The following SMARCA2 variants were observed in gnomAD, a reference collection of about 807,000 sequenced individuals.
SMARCA2 encodes the protein SWI/SNF related BAF chromatin remodeling complex subunit ATPase 2, also known as SWI/SNF-related matrix-associated actin-dependent regulator of chromatin subfamily A member 2.
In SMARCA2, 61 loss-of-function variants were observed where a neutral mutation model predicts 199.8. The observed-to-expected ratio is 0.31, with a 90% CI of 0.25 to 0.38. SMARCA2 has a LOEUF of 0.38. Among genes scored for constraint, SMARCA2 ranks in the 10% least tolerant of loss-of-function variants. The pLI is 1.00. For synonymous variants in SMARCA2, 935 were observed against 732.0 expected (o/e 1.28, Z -4.48); for missense variants, 1,344 against 2,012.2 (o/e 0.67, Z 6.35).
chr9:2,024,434 C>A (rs1022350773), intron 1 of SMARCA2, among the ~76,000 whole-genome samples: 5 of 152,074 alleles, frequency 3.3e-5, no homozygotes, highest in Non-Finnish European at 5.9e-5. Context: ...GTGGGGTAAG[C>A]CTTCTATTCA....
intron 7 of SMARCA2, among the ~76,000 whole-genome samples, chr9:2,057,882 A>G (rs989243031): frequency 6.6e-6 from 1 of 152,246 alleles, no homozygotes; most frequent in African/African-American, 2.4e-5. Flanking sequence ...TAGGGTAGTT[A>G]GAGCAGAAAA....
intron 5 of SMARCA2, among the ~76,000 whole-genome samples, chr9:2,048,507 A>G (rs1819979971): frequency 6.6e-6 from 1 of 152,232 alleles, no homozygotes; most frequent in Non-Finnish European, 1.5e-5. Context: ...TAAAAATTAT[A>G]GAGAATGTTG....
chr9:2,083,524 G>A, intron 16 of SMARCA2, 111 bp downstream of exon 16: 2 of 629,606 alleles, frequency 3.2e-6, no homozygotes, highest in Non-Finnish European at 5.6e-6. Flanking sequence ...GTTTTGTCAT[G>A]TACATCATGT....
chr9:2,029,307 G>C (rs1273008583), intron 2 of SMARCA2, 60 bp downstream of exon 2: 31 of 1,555,404 alleles, frequency 2.0e-5, no homozygotes, highest in Non-Finnish European at 2.6e-6. Flanking sequence ...TAATATTTCT[G>C]ATAACCCCAT....
chr9:2,179,557 T>G (rs1039715408), intron 29 of SMARCA2, among the ~76,000 whole-genome samples: 1 of 152,180 alleles, frequency 6.6e-6, no homozygotes, highest in Non-Finnish European at 1.5e-5. Context: ...GGTTTAGAAT[T>G]TTTAGGGTCT....
chr9:2,085,219 A>G (rs989134067), intron 17 of SMARCA2, among the ~76,000 whole-genome samples: 2 of 152,192 alleles, frequency 1.3e-5, no homozygotes, highest in Admixed American at 6.5e-5. Context: ...TGAATTTGGC[A>G]GTGTCAAAAA....
chr9:2,125,424 T>G (rs759768989), intron 27 of SMARCA2, among the ~76,000 whole-genome samples: 5 of 152,078 alleles, frequency 3.3e-5, no homozygotes, highest in Non-Finnish European at 7.4e-5. Context: ...AAATTTTATT[T>G]AAGCAATAAA....
chr9:2,152,343 A>C (rs1172346150), intron 27 of SMARCA2, among the ~76,000 whole-genome samples: 4 of 149,880 alleles, frequency 2.7e-5, no homozygotes, highest in African/African-American at 9.9e-5. Context: ...CCTGAGGTCA[A>C]GAGAGTTTGA....
chr9:2,182,794 C>T lies in SMARCA2; in HGVS notation c.4461+552C>T, dbSNP rs142686489. Among the ~76,000 whole-genome samples, 94 of 125,410 alleles carry T rather than the reference C, an allele frequency of 7.5e-4. No homozygotes were observed. In the East Asian group the frequency reaches 0.021, roughly 28 times the overall value. The allele number at this position is 125,410 out of a possible 152,430, so 82.3% of individuals were successfully genotyped here. On this transcript the variant is annotated intron_variant, in intron 31 of 33. Transcript: ENST00000349721. ...ACAGGCATGAGCCACCACACCCGGCCTCAAAGCATATATTTTTTTTTCGAG... is the reference window on the plus strand; with the variant it reads ...ACAGGCATGAGCCACCACACCCGGCTTCAAAGCATATATTTTTTTTTCGAG...
intron 12 of SMARCA2, among the ~76,000 whole-genome samples, chr9:2,074,735 C>G (rs772589034): frequency 6.6e-6 from 1 of 152,102 alleles, no homozygotes; most frequent in Non-Finnish European, 1.5e-5. Flanking sequence ...GGCGTGGTGA[C>G]GCATGCCCGC....
Position 2,101,454 on chromosome 9 carries a change from C to T in SMARCA2, c.3079-116C>T, listed in dbSNP as rs1228655668. 4 of 522,148 alleles carry T rather than the reference C, an allele frequency of 7.7e-6. No homozygotes were observed. In the East Asian group the frequency reaches 1.0e-4, roughly 13 times the overall value. 32.3% of individuals were successfully genotyped at this position (522,148 alleles called of 1,614,324 possible). On this transcript the variant is annotated intron_variant, in intron 21 of 33. Coordinates refer to ENST00000349721, the MANE Select transcript of SMARCA2 (RefSeq NM_003070.5). ...TACGTGTGTAAGTTTTTTGCTTATT[C>T]ATTAATTATTTTGTTTTAACTATAG...
At chr9:2,132,673 T>C (rs1451974253) in intron 27 of SMARCA2, among the ~76,000 whole-genome samples, 3 of 152,192 alleles carry the variant, frequency 2.0e-5, no homozygotes, top group African/African-American at 7.2e-5. Context: ...TGCATTTCCG[T>C]TTTTATACAC....
intron 24 of SMARCA2, among the ~76,000 whole-genome samples, chr9:2,111,285 T>G (rs1309432398): frequency 2.0e-5 from 3 of 151,644 alleles, no homozygotes; most frequent in Admixed American, 2.0e-4. Context: ...CCCAGGAATT[T>G]GAGACCAGCC....
At chr9:2,065,098 T>C (rs1240335849) in intron 9 of SMARCA2, among the ~76,000 whole-genome samples, 1 of 151,934 alleles carries the variant, frequency 6.6e-6, no homozygotes, top group Admixed American at 6.6e-5. Flanking sequence ...GGTGAGAGAA[T>C]GGTGTGAACC....
At chr9:2,066,641 A>T (rs1176892821) in intron 9 of SMARCA2, among the ~76,000 whole-genome samples, 1 of 152,302 alleles carries the variant, frequency 6.6e-6, no homozygotes, top group African/African-American at 2.4e-5. Context: ...ACTCTTTTGC[A>T]TGTAGGAAGA....
intron 32 of SMARCA2, among the ~76,000 whole-genome samples, chr9:2,189,143 C>T (rs1827699335): frequency 6.6e-6 from 1 of 152,144 alleles, no homozygotes. Flanking sequence ...TGTAATATAA[C>T]ATATTCAGAG....
Position 2,177,832 on chromosome 9 carries a change from A to G in SMARCA2, c.4254-3739A>G, listed in dbSNP as rs1231161247. On this transcript the variant is annotated intron_variant, in intron 29 of 33. Transcript: ENST00000349721. ...CTCCCAAAGTGCTGGGATTACAGGC[A>G]TGAGCCACCGTGCCCGGCCAGAGGT... Among the ~76,000 whole-genome samples, 4 of 152,342 alleles carry G rather than the reference A, an allele frequency of 2.6e-5. No individual in the cohort carries two copies. In the East Asian group the frequency reaches 5.8e-4, roughly 22 times the overall value.
intron 21 of SMARCA2, among the ~76,000 whole-genome samples, chr9:2,100,469 A>C (rs1289854319): frequency 6.6e-6 from 1 of 152,116 alleles, no homozygotes; most frequent in African/African-American, 2.4e-5. Context: ...TGGGAGGAAA[A>C]GGCAAGCAGG....
chr9:2,067,954 T>G (rs917767855), intron 9 of SMARCA2, among the ~76,000 whole-genome samples: 1 of 152,246 alleles, frequency 6.6e-6, no homozygotes, highest in Non-Finnish European at 1.5e-5. Flanking sequence ...AATGTACTAT[T>G]CATTGAAGTG....
Sources: gnomAD v4.1 joint callset for allele counts (sites outside exome capture counted in the v4.1 genomes callset) on GRCh38, gnomAD v4.1.1 for gene constraint, MANE v1.5 for transcripts, NCBI Gene and HGNC (gene_info 2026-07-23, HGNC 2026-07-21) for gene names.